Variants in CELF2 observed in about 807,000 individuals in gnomAD.
CELF2 encodes CUGBP Elav-like family member 2.
A neutral mutation model predicts 62.6 loss-of-function variants in CELF2; 8 were observed. That is an observed-to-expected ratio of 0.13 (90% CI 0.07 to 0.23). The LOEUF (loss-of-function observed/expected upper bound fraction) is 0.23, where lower values mean the gene tolerates loss of function less well. CELF2 is among the 10% of genes least tolerant of loss of function. The probability of loss-of-function intolerance (pLI) is 1.00; values close to 1 mark genes in which losing one functional copy is unlikely to be tolerated. For synonymous variants in CELF2, 258 were observed against 250.0 expected (o/e 1.03, Z -0.30); for missense variants, 333 against 671.0 (o/e 0.50, Z 5.56).
the CELF2 span, among the ~76,000 whole-genome samples, chr10:10,583,140 TG>T: frequency 6.6e-6 from 1 of 152,338 alleles, no homozygotes; most frequent in East Asian, 1.9e-4. Flanking sequence ...AGTGCAACTA[TG>T]TGAAAGAGGA....
chr10:11,287,180 A>G (rs1565783342), intron 8 of CELF2, among the ~76,000 whole-genome samples: 1 of 152,056 alleles, frequency 6.6e-6, no homozygotes, highest in Non-Finnish European at 1.5e-5. Flanking sequence ...CTCCGTAGAT[A>G]TTGATTAAGT....
At chr10:10,924,165 C>G (rs1385608999) in intron 2 of CELF2, 1 of 150,912 alleles carries the variant, frequency 6.6e-6, no homozygotes, top group African/African-American at 2.4e-5. Context: ...GCCTGTAGTC[C>G]CAGCTACTCG....
intron 3 of CELF2, among the ~76,000 whole-genome samples, chr10:11,218,947 C>A (rs1433028668): frequency 6.6e-6 from 1 of 152,160 alleles, no homozygotes; most frequent in Non-Finnish European, 1.5e-5. Context: ...AGATGAAAAT[C>A]ATTTTTATTT....
At chr10:10,538,050 C>A in the CELF2 span, among the ~76,000 whole-genome samples, 2 of 152,130 alleles carry the variant, frequency 1.3e-5, no homozygotes, top group Admixed American at 1.3e-4. Context: ...CCACCCAAAG[C>A]ACAAGCCCTA....
At position 10,990,924 on chromosome 10, in the gene CELF2, G is replaced by A. The variant is rs2053353862; in HGVS notation, c.89+70925G>A. Reference sequence around the variant, plus strand: ...GAGTCTTCATTTAAAGAATGAAAATGAAATGCATTCCAGTGCTTACAGCAT... The same window carrying A: ...GAGTCTTCATTTAAAGAATGAAAATAAAATGCATTCCAGTGCTTACAGCAT... On this transcript the variant is annotated intron_variant, in intron 2 of 13. Transcript: ENST00000636488. This position sits in a 1 kb window ranked among gnomAD's most constrained non-coding sequence, Gnocchi z 4.6. 1.3e-5 allele frequency among the ~76,000 whole-genome samples: 2 copies of A among 152,210 alleles called. No homozygotes were observed. The highest frequency in any genetic ancestry group is 2.1e-4 in the South Asian group (1 of 4,820).
At chr10:10,718,937 T>C in the CELF2 span, among the ~76,000 whole-genome samples, 1 of 152,064 alleles carries the variant, frequency 6.6e-6, no homozygotes, top group Admixed American at 6.5e-5. Flanking sequence ...CCAGACTAAC[T>C]GTTTTTCTGA....
chr10:10,950,563 G>C (rs201069), intron 2 of CELF2, among the ~76,000 whole-genome samples: 5,261 of 152,246 alleles, frequency 0.035, 116 homozygotes, highest in Middle Eastern at 0.061. Flanking sequence ...CTCACTCAGG[G>C]ACATATAGAA....
At chr10:11,298,266 C>T (rs1029532485) in intron 9 of CELF2, among the ~76,000 whole-genome samples, 1 of 152,192 alleles carries the variant, frequency 6.6e-6, no homozygotes, top group African/African-American at 2.4e-5. Context: ...CTGGGAGGAG[C>T]CCCCACAGCA....
At chr10:10,739,495 A>C in the CELF2 span, among the ~76,000 whole-genome samples, 1 of 152,222 alleles carries the variant, frequency 6.6e-6, no homozygotes, top group Non-Finnish European at 1.5e-5. Context: ...AAAATGGTAG[A>C]GTTCCCATAT....
At chr10:10,612,148 T>C in the CELF2 span, among the ~76,000 whole-genome samples, 1 of 152,124 alleles carries the variant, frequency 6.6e-6, no homozygotes. Flanking sequence ...ATCCCCACAA[T>C]GGTCAGTATT....
intron 4 of CELF2, among the ~76,000 whole-genome samples, chr10:11,253,162 C>T (rs2653516): frequency 0.35 from 53,343 of 152,006 alleles, 10,251 homozygotes; most frequent in African/African-American, 0.5. Context: ...GATGTCTTTG[C>T]CTCTTGCCGC....
chr10:11,301,259 C>T (rs980675142), intron 9 of CELF2, among the ~76,000 whole-genome samples: 4 of 152,066 alleles, frequency 2.6e-5, no homozygotes, highest in South Asian at 2.1e-4. Context: ...CAAGTTCCTC[C>T]GCAGGCAGCC....
chr10:10,511,142 GCTCACGCCTGTAAT>G, the CELF2 span, among the ~76,000 whole-genome samples: 1 of 152,208 alleles, frequency 6.6e-6, no homozygotes, highest in Non-Finnish European at 1.5e-5. Context: ...GGGCACGGTG[GCTCACGCCTGTAAT>G]CTCAGCACTT....
Position 10,993,981 on chromosome 10 carries a change from C to T in CELF2, c.89+73982C>T, listed in dbSNP as rs1014587869. On this transcript the variant is annotated intron_variant, in intron 2 of 13. Transcript: ENST00000636488. The surrounding 1 kb of genome is among the most constrained non-coding windows in gnomAD (Gnocchi z 5.3). Reference sequence around the variant, plus strand: ...GGAGCCTCATGAGAAACCAAACCTGCTGTCACCTTGATCTTGACTTCCAGC... The same window carrying T: ...GGAGCCTCATGAGAAACCAAACCTGTTGTCACCTTGATCTTGACTTCCAGC... Among the ~76,000 whole-genome samples, 4 of 152,190 alleles carry T rather than the reference C, an allele frequency of 2.6e-5. No individual in the cohort carries two copies. Among genetic ancestry groups the T allele is most frequent in the African/African-American group, 7.2e-5 (3 of 41,452 alleles).
upstream of CELF2, among the ~76,000 whole-genome samples, chr10:11,004,757 T>A (rs2054909467): frequency 6.6e-6 from 1 of 152,162 alleles, no homozygotes; most frequent in South Asian, 2.1e-4. This position sits in a 1 kb window ranked among gnomAD's most constrained non-coding sequence, Gnocchi z 5.0. Flanking sequence ...ATCTCTATGC[T>A]ATGCATCTAT....
chr10:10,780,266 C>G, the CELF2 span, among the ~76,000 whole-genome samples: 1 of 152,120 alleles, frequency 6.6e-6, no homozygotes, highest in Non-Finnish European at 1.5e-5. Flanking sequence ...TTCCCAATCT[C>G]CCCTAATTCT....
intron 2 of CELF2, among the ~76,000 whole-genome samples, chr10:10,989,943 G>A (rs2053244174): frequency 2.0e-5 from 3 of 152,066 alleles, no homozygotes; most frequent in African/African-American, 7.2e-5. Context: ...ACTCATCATA[G>A]TACAAATTTA....
At chr10:10,714,722 A>C in the CELF2 span, among the ~76,000 whole-genome samples, 1 of 152,222 alleles carries the variant, frequency 6.6e-6, no homozygotes, top group Non-Finnish European at 1.5e-5. Flanking sequence ...TAACTTCTCC[A>C]AAATGTAAAA....
chr10:10,830,340 A>C (rs1171379754), intron 1 of CELF2, among the ~76,000 whole-genome samples: 1 of 152,046 alleles, frequency 6.6e-6, no homozygotes, highest in Non-Finnish European at 1.5e-5. Context: ...TAATTCAAAC[A>C]GTATTTATAG....
Sources: gnomAD v4.1 joint callset for allele counts (sites outside exome capture counted in the v4.1 genomes callset) on GRCh38, gnomAD v4.1.1 for gene constraint, Gnocchi (gnomAD v3.1) non-coding constraint, MANE v1.5 for transcripts, NCBI Gene and HGNC (gene_info 2026-07-23, HGNC 2026-07-21) for gene names.